CCDC171: variants seen among roughly 807,000 people sequenced by gnomAD.
The protein encoded by CCDC171 is coiled-coil domain containing 171, also known as coiled-coil domain-containing protein 171.
Under a neutral mutation model 168.2 loss-of-function variants are expected in CCDC171, and 177 were observed. The observed-to-expected ratio is 1.05, with a 90% CI of 0.93 to 1.19. The LOEUF (loss-of-function observed/expected upper bound fraction) is 1.19. CCDC171 is among the 50% of genes most tolerant of loss of function. CCDC171 has a pLI of 0.00. For synonymous variants in CCDC171, 687 were observed against 540.8 expected, an observed-to-expected ratio of 1.27 and a Z score of -3.75; for missense variants, 1,991 against 1,539.0, an observed-to-expected ratio of 1.29 and a Z score of -4.91.
At chr9:15,829,199 T>C (rs564681363) in intron 21 of CCDC171, among the ~76,000 whole-genome samples, 7 of 152,326 alleles carry the variant, frequency 4.6e-5, no homozygotes, top group Non-Finnish European at 1.0e-4. Flanking sequence ...AGGTAGTAAA[T>C]GTTATAGCAG....
At chr9:15,801,328 C>G (rs1029272697) in intron 21 of CCDC171, among the ~76,000 whole-genome samples, 1 of 151,848 alleles carries the variant, frequency 6.6e-6, no homozygotes, top group African/African-American at 2.4e-5. Context: ...AGATCATTAA[C>G]TTATTTGGTT....
intron 3 of CCDC171, among the ~76,000 whole-genome samples, chr9:15,982,716 C>T (rs888639915): frequency 1.4e-4 from 21 of 152,106 alleles, no homozygotes; most frequent in African/African-American, 4.8e-4. Context: ...CTAATTTCCA[C>T]ATGACCCAGG....
intron 7 of CCDC171, among the ~76,000 whole-genome samples, chr9:15,630,279 C>G (rs1432894608): frequency 6.6e-6 from 1 of 152,078 alleles, no homozygotes; most frequent in African/African-American, 2.4e-5. Context: ...TTCAGGAAAC[C>G]CATCTCACGT....
intron 3 of CCDC171, among the ~76,000 whole-genome samples, chr9:15,990,483 A>G (rs1473826346): frequency 1.3e-5 from 2 of 152,244 alleles, no homozygotes; most frequent in African/African-American, 2.4e-5. Flanking sequence ...GCCAAATTGT[A>G]AAGACCATCG....
intron 24 of CCDC171, among the ~76,000 whole-genome samples, chr9:15,910,307 T>C (rs2131820453): frequency 6.6e-6 from 1 of 152,314 alleles, no homozygotes; most frequent in African/African-American, 2.4e-5. Context: ...TCTGTTTTTT[T>C]GTTATAACAA....
chr9:15,912,254 A>C (rs1193386024), intron 24 of CCDC171, among the ~76,000 whole-genome samples: 1 of 152,148 alleles, frequency 6.6e-6, no homozygotes, highest in African/African-American at 2.4e-5. Context: ...CTCCTTGAAG[A>C]GGTCCTTCAC....
At chr9:15,784,109 G>A (rs992972104) in intron 20 of CCDC171, among the ~76,000 whole-genome samples, 4 of 152,122 alleles carry the variant, frequency 2.6e-5, no homozygotes, top group East Asian at 1.9e-4. Context: ...ATATTTGACC[G>A]GGAGACCTGA....
chr9:15,926,936 C>T (rs189191267), intron 25 of CCDC171, among the ~76,000 whole-genome samples: 85 of 151,640 alleles, frequency 5.6e-4, no homozygotes, highest in African/African-American at 1.9e-3. Context: ...ACTGTATTAC[C>T]ATTACTTGTT....
chr9:16,033,941 G>T (rs946173190), intron 6 of CCDC171, among the ~76,000 whole-genome samples: 6 of 152,218 alleles, frequency 3.9e-5, no homozygotes, highest in Non-Finnish European at 8.8e-5. Context: ...GGGAGGAGGG[G>T]AGTGGAATGG....
chr9:15,815,134 G>C (rs189477608), intron 21 of CCDC171, among the ~76,000 whole-genome samples: 3 of 152,060 alleles, frequency 2.0e-5, no homozygotes, highest in African/African-American at 7.2e-5. Flanking sequence ...TCATTGTTTT[G>C]TGTCATCTGC....
intron 7 of CCDC171, among the ~76,000 whole-genome samples, chr9:15,632,132 A>G (rs1242257431): frequency 2.0e-5 from 3 of 151,454 alleles, no homozygotes; most frequent in Non-Finnish European, 4.4e-5. Context: ...GCCCTCTCTC[A>G]CCACTCCTAT....
intron 21 of CCDC171, among the ~76,000 whole-genome samples, chr9:15,790,349 A>G (rs1300188044): frequency 6.6e-6 from 1 of 152,334 alleles, no homozygotes; most frequent in Middle Eastern, 3.4e-3. Flanking sequence ...ATGGCCAGTG[A>G]TGATGAGCAT....
intron 11 of CCDC171, among the ~76,000 whole-genome samples, chr9:15,709,432 A>G (rs1208547724): frequency 6.6e-6 from 1 of 152,192 alleles, no homozygotes; most frequent in African/African-American, 2.4e-5. Flanking sequence ...ACAAAGAATT[A>G]AAACAGATAA....
chr9:15,650,569 TG>T (rs2047435249), intron 7 of CCDC171, among the ~76,000 whole-genome samples: 1 of 152,230 alleles, frequency 6.6e-6, no homozygotes, highest in African/African-American at 2.4e-5. Flanking sequence ...ACTCATATTT[TG>T]AGTTGTCCTT....
At chr9:15,801,200 G>A (rs1055796595) in intron 21 of CCDC171, among the ~76,000 whole-genome samples, 13 of 151,728 alleles carry the variant, frequency 8.6e-5, no homozygotes, top group South Asian at 8.3e-4. Flanking sequence ...GATTCCTTTC[G>A]GTAGTATGGA....
At chr9:16,038,239 C>T (rs1484831667), upstream of CCDC171, among the ~76,000 whole-genome samples, 3 of 151,790 alleles carry the variant, frequency 2.0e-5, no homozygotes, top group African/African-American at 7.3e-5. Context: ...TTTTGGTCAC[C>T]AAAAATGTAA....
chr9:16,104,154 CCTT>C, the CCDC171 span, among the ~76,000 whole-genome samples: 30 of 152,066 alleles, frequency 2.0e-4, no homozygotes, highest in Non-Finnish European at 4.1e-4. Context: ...TCCCTCCTCT[CCTT>C]CTTCTTACAA....
At chr9:15,763,052 C>T (rs967906189) in intron 18 of CCDC171, among the ~76,000 whole-genome samples, 1 of 152,142 alleles carries the variant, frequency 6.6e-6, no homozygotes. Flanking sequence ...TCAGGTTGGA[C>T]AGTTTTCTAG....
intron 4 of CCDC171, among the ~76,000 whole-genome samples, chr9:15,582,370 G>T (rs1270326247): frequency 1.3e-5 from 2 of 152,196 alleles, no homozygotes; most frequent in Non-Finnish European, 2.9e-5. Flanking sequence ...AAGACAGTGT[G>T]GCGATTCCTC....
Sources: allele counts gnomAD v4.1 joint callset (sites outside exome capture counted in the v4.1 genomes callset), GRCh38; gene constraint gnomAD v4.1.1; transcripts MANE v1.5; gene names NCBI Gene and HGNC (gene_info 2026-07-23, HGNC 2026-07-21).